The following SNTG1 variants were observed in gnomAD, a reference collection of about 807,000 sequenced individuals.
SNTG1 encodes the protein gamma-1-syntrophin.
A neutral mutation model predicts 74.7 loss-of-function variants in SNTG1; 39 were observed. That is an observed-to-expected ratio of 0.52 (90% CI 0.40 to 0.68). SNTG1 has a LOEUF of 0.68. Ranked by LOEUF, SNTG1 falls within the 30% of genes least tolerant of loss-of-function variation. The probability of loss-of-function intolerance (pLI) is 0.00; values close to 1 mark genes in which losing one functional copy is unlikely to be tolerated. For missense variants in SNTG1, 685 were observed against 609.5 expected, an observed-to-expected ratio of 1.12 and a Z score of -1.30; for synonymous variants, 254 against 217.1, an observed-to-expected ratio of 1.17 and a Z score of -1.49.
rs141558128 is a variant in SNTG1, at chr8:50,026,035, A to G, written c.-103+113804A>G. On this transcript the variant is annotated intron_variant, in intron 1 of 18. Coordinates refer to ENST00000642720, the MANE Select transcript of SNTG1 (RefSeq NM_018967.5). The stretch of plus-strand genomic sequence containing the variant: ...ATATATTTAGAGTAGAATACAAATG[A>G]GTTTCAGAGGAACATAAATTATCTA... 1.1e-3 allele frequency among the ~76,000 whole-genome samples: 160 copies of G among 152,328 alleles called. 1 individual carries two copies. The highest frequency in any genetic ancestry group is 3.6e-3 in the African/African-American group (151 of 41,578).
intron 2 of SNTG1, among the ~76,000 whole-genome samples, chr8:50,200,807 A>G (rs7386487): frequency 0.43 from 65,884 of 152,064 alleles, 17,988 homozygotes; most frequent in African/African-American, 0.79. Flanking sequence ...AGTGATATTT[A>G]CAGCAAACTA....
intron 15 of SNTG1, among the ~76,000 whole-genome samples, chr8:50,695,477 T>A (rs2095401298): frequency 8.4e-6 from 1 of 119,360 alleles, no homozygotes; most frequent in South Asian, 2.7e-4. Flanking sequence ...TTTTTGTCTG[T>A]TTTTTATTTC....
At chr8:50,037,117 G>A (rs1350338161) in intron 1 of SNTG1, among the ~76,000 whole-genome samples, 2 of 152,200 alleles carry the variant, frequency 1.3e-5, no homozygotes, top group African/African-American at 4.8e-5. Flanking sequence ...CAACTGGCTT[G>A]CACAGTCAGT....
intron 5 of SNTG1, among the ~76,000 whole-genome samples, chr8:50,441,985 G>GA (rs539431718): frequency 6.0e-5 from 9 of 150,548 alleles, no homozygotes; most frequent in South Asian, 2.1e-4. Context: ...TAAATAATAA[G>GA]AAAAAAAAAG....
At chr8:50,031,869 G>A (rs1183507897) in intron 1 of SNTG1, among the ~76,000 whole-genome samples, 1 of 151,984 alleles carries the variant, frequency 6.6e-6, no homozygotes, top group Non-Finnish European at 1.5e-5. Context: ...CCATTTTCTA[G>A]AAAAGAATGT....
At chr8:50,076,689 A>T (rs1219227738) in intron 1 of SNTG1, among the ~76,000 whole-genome samples, 1 of 152,028 alleles carries the variant, frequency 6.6e-6, no homozygotes, top group African/African-American at 2.4e-5. Flanking sequence ...TTTCTATGTA[A>T]ATTATAGTAA....
intron 2 of SNTG1, among the ~76,000 whole-genome samples, chr8:50,390,558 G>T (rs2092642858): frequency 2.0e-5 from 3 of 152,074 alleles, no homozygotes; most frequent in Admixed American, 6.6e-5. Context: ...GCTGGCTCTT[G>T]TTTGCTTCCA....
intron 2 of SNTG1, among the ~76,000 whole-genome samples, chr8:50,180,114 G>A (rs2083147946): frequency 6.6e-6 from 1 of 152,168 alleles, no homozygotes; most frequent in Admixed American, 6.6e-5. Flanking sequence ...AAAAGGACAT[G>A]CTGACATTTG....
chr8:50,420,381 T>G (rs1420382260), intron 4 of SNTG1, among the ~76,000 whole-genome samples: 49 of 152,202 alleles, frequency 3.2e-4, no homozygotes, highest in Admixed American at 3.1e-3. Flanking sequence ...TAGTTTTAAT[T>G]GCTGAAAGGA....
chr8:49,938,989 G>A (rs1271967306), intron 1 of SNTG1, among the ~76,000 whole-genome samples: 1 of 151,942 alleles, frequency 6.6e-6, no homozygotes, highest in East Asian at 1.9e-4. Flanking sequence ...GGATTCTTAG[G>A]TTATTTTCAA....
At chr8:50,158,364 TG>T (rs1292555333) in intron 1 of SNTG1, among the ~76,000 whole-genome samples, 2 of 152,154 alleles carry the variant, frequency 1.3e-5, no homozygotes, top group African/African-American at 4.8e-5. Context: ...GCTTCTTGGG[TG>T]GGTTCTCAAA....
chr8:50,179,090 G>T (rs1192529953), intron 2 of SNTG1, among the ~76,000 whole-genome samples: 2 of 152,028 alleles, frequency 1.3e-5, no homozygotes, highest in African/African-American at 4.8e-5. Context: ...TGTCTTCTTT[G>T]TGGCCTTCCC....
At chr8:50,432,248 CTGTT>C in intron 4 of SNTG1, among the ~76,000 whole-genome samples, 1 of 152,074 alleles carries the variant, frequency 6.6e-6, no homozygotes, top group South Asian at 2.1e-4. Context: ...TCCTCCAGCA[CTGTT>C]TGTTGGAAAA....
intron 8 of SNTG1, among the ~76,000 whole-genome samples, chr8:50,468,058 A>G (rs1210216718): frequency 3.3e-5 from 5 of 151,686 alleles, no homozygotes; most frequent in Admixed American, 6.6e-5. Context: ...GGCATAGAAT[A>G]TAGTCTGCTT....
At position 50,366,859 on chromosome 8, in the gene SNTG1, T is replaced by C. The variant is rs1194798110; in HGVS notation, c.-27-27353T>C. Among the ~76,000 whole-genome samples the C allele has an allele frequency of 3.4e-5, 5 of 146,734 alleles. No individual in the cohort carries two copies. In the East Asian group the frequency reaches 7.9e-4, roughly 23 times the overall value. ...ATATAGTATAGGCCTATATTATATATATTATAGTATTTTATCTTCCATATT... is the reference window on the plus strand; with the variant it reads ...ATATAGTATAGGCCTATATTATATACATTATAGTATTTTATCTTCCATATT... On this transcript the variant is annotated intron_variant, in intron 2 of 18. Transcript: ENST00000642720.
chr8:49,938,361 T>C (rs1316382656), intron 1 of SNTG1, among the ~76,000 whole-genome samples: 1 of 152,168 alleles, frequency 6.6e-6, no homozygotes, highest in Non-Finnish European at 1.5e-5. Flanking sequence ...AGGTAGATAA[T>C]AATTATAATC....
intron 1 of SNTG1, among the ~76,000 whole-genome samples, chr8:50,087,025 G>C (rs1392279931): frequency 2.6e-5 from 4 of 152,196 alleles, no homozygotes; most frequent in Admixed American, 6.5e-5. Context: ...GTTTCACACA[G>C]AAGTCAGCTT....
At chr8:50,231,486 G>T (rs2085621721) in intron 2 of SNTG1, among the ~76,000 whole-genome samples, 1 of 151,332 alleles carries the variant, frequency 6.6e-6, no homozygotes, top group South Asian at 2.1e-4. Context: ...AAACCTAAGT[G>T]TCTATGAAGG....
At chr8:50,426,879 C>T (rs1005367744) in intron 4 of SNTG1, among the ~76,000 whole-genome samples, 6 of 151,962 alleles carry the variant, frequency 3.9e-5, no homozygotes, top group African/African-American at 1.5e-4. Flanking sequence ...ACTATATAGG[C>T]TATAATACAG....
Sources: allele counts gnomAD v4.1 joint callset (sites outside exome capture counted in the v4.1 genomes callset), GRCh38; gene constraint gnomAD v4.1.1; transcripts MANE v1.5; gene names NCBI Gene and HGNC (gene_info 2026-07-23, HGNC 2026-07-21).